ETF1: variants seen among roughly 807,000 people sequenced by gnomAD.
ETF1 encodes eukaryotic peptide chain release factor subunit 1.
In ETF1, 4 loss-of-function variants were observed where a neutral mutation model predicts 55.1. The ratio of observed to expected loss-of-function variants is 0.07; its 90% CI spans 0.04 to 0.17. The LOEUF (loss-of-function observed/expected upper bound fraction) is 0.17. Among genes scored for constraint, ETF1 ranks in the 10% least tolerant of loss-of-function variants. The probability of loss-of-function intolerance (pLI) is 1.00; values close to 1 mark genes in which losing one functional copy is unlikely to be tolerated. For synonymous variants in ETF1, 157 were observed against 182.3 expected, an observed-to-expected ratio of 0.86 and a Z score of 1.12; for missense variants, 142 against 523.6, an observed-to-expected ratio of 0.27 and a Z score of 7.11.
chr5:138,517,878 C>G, intron 3 of ETF1, 178 bp from the exon 4 acceptor site: 1 of 985,248 alleles, frequency 1.0e-6, no homozygotes, highest in South Asian at 4.7e-5. Context: ...AAAACTTCTT[C>G]TGAGACGTTT....
At chr5:138,522,484 C>A (rs1195003883) in intron 2 of ETF1, among the ~76,000 whole-genome samples, 1 of 151,890 alleles carries the variant, frequency 6.6e-6, no homozygotes, top group Admixed American at 6.6e-5. Context: ...TATGACCCAA[C>A]CACTCTACTC....
In ETF1 at chr5:138,506,142, A is replaced by C. The variant is rs752097586; in HGVS notation, c.*2163T>G. ...CTCTTCTCCATTTCTGTACATCACAACACCAAGATTTTGCTGCTTAGTATC... is the reference window on the plus strand; with the variant it reads ...CTCTTCTCCATTTCTGTACATCACACCACCAAGATTTTGCTGCTTAGTATC... On this transcript the variant is annotated 3_prime_UTR_variant, in exon 11 of 11. Coordinates refer to ENST00000360541, the MANE Select transcript of ETF1 (RefSeq NM_004730.4). 4 of 152,618 alleles carry C rather than the reference A, an allele frequency of 2.6e-5. No homozygotes were observed. Among genetic ancestry groups the C allele is most frequent in the South Asian group, 4.1e-4 (2 of 4,826 alleles). 9.5% of individuals were successfully genotyped at this position (152,618 alleles called of 1,614,324 possible). A position where few individuals can be genotyped will look rare whatever the true frequency, so the allele number is the denominator to read the frequency against.
At chr5:138,534,816 G>C (rs1246926368) in intron 2 of ETF1, among the ~76,000 whole-genome samples, 2 of 152,082 alleles carry the variant, frequency 1.3e-5, no homozygotes, top group African/African-American at 2.4e-5. Context: ...CTTACTAAAG[G>C]CTGTGATATT....
Position 138,513,615 on chromosome 5 carries a change from G to A in ETF1, c.494C>T (p.Thr165Ile). 1 of 1,610,976 alleles carries A rather than the reference G, an allele frequency of 6.2e-7. No individual in the cohort carries two copies. Among genetic ancestry groups the A allele is most frequent in the Non-Finnish European group, 8.5e-7 (1 of 1,177,412 alleles). ...GALFGTLQGN[T>I]REVLHKFTVD... ...AGTGAATTTGTGCAGGACTTCTCTT[G>A]TGTTTCCTTGGAGTGTGCCAAAAAG... The change falls in exon 5 of 11, where the codon ACA (threonine) becomes ATA (isoleucine). Residue 165 changes from threonine to isoleucine, a missense_variant. Transcript: ENST00000360541.
intron 4 of ETF1, 182 bp from the exon 5 acceptor site, chr5:138,513,888 T>C: frequency 1.2e-6 from 1 of 809,154 alleles, no homozygotes; most frequent in Non-Finnish European, 1.5e-6. Context: ...ATGGACAAAT[T>C]TGAACCCAAT....
At position 138,541,757 on chromosome 5, in the gene ETF1, C is replaced by CT. The variant is rs879131322; in HGVS notation, c.86+1075dup. ...CAAGTATGTAATAATGTTCCAAACA[C>CT]TTTTTTTTGGGGGGGGGGGCACTTC... On this transcript the variant is annotated intron_variant, in intron 2 of 10. Transcript: ENST00000360541. 2.3e-4 allele frequency: 114 copies of CT among 504,144 alleles called. 1 individual carries two copies. In the South Asian group the frequency reaches 3.9e-3, roughly 17 times the overall value. The allele number at this position is 504,144 out of a possible 1,614,324, so 31.2% of individuals were successfully genotyped here.
chr5:138,517,014 C>A (rs1464323376), intron 4 of ETF1, among the ~76,000 whole-genome samples: 1 of 152,020 alleles, frequency 6.6e-6, no homozygotes, highest in Non-Finnish European at 1.5e-5. Flanking sequence ...CCACATGGAA[C>A]CTTAAAAGTA....
chr5:138,534,428 C>G (rs531258110), intron 2 of ETF1, among the ~76,000 whole-genome samples: 1 of 152,348 alleles, frequency 6.6e-6, no homozygotes, highest in South Asian at 2.1e-4. Flanking sequence ...ACTGCAATCA[C>G]AACCAGTGTT....
chr5:138,526,195 C>A (rs914529676), intron 2 of ETF1, among the ~76,000 whole-genome samples: 3 of 152,062 alleles, frequency 2.0e-5, no homozygotes, highest in African/African-American at 7.2e-5. Context: ...ATCCAGAGTC[C>A]AGTGGAAGCT....
rs557548037 is a variant in ETF1, at chr5:138,522,997, C to T, written c.87-4130G>A. 7.4e-4 allele frequency among the ~76,000 whole-genome samples: 107 copies of T among 145,260 alleles called. 1 individual carries two copies. Among genetic ancestry groups the T allele is most frequent in the African/African-American group, 2.5e-3 (103 of 40,696 alleles). ...GTCTGGTTGGGGCGAAAGAGCAAGA[C>T]TCCATCTCAAAACAAACAAACAAAC... On this transcript the variant is annotated intron_variant, in intron 2 of 10. Coordinates refer to ENST00000360541, the MANE Select transcript of ETF1 (RefSeq NM_004730.4).
Position 138,531,288 on chromosome 5 carries a change from C to A in ETF1, c.86+11545G>T, listed in dbSNP as rs1448412120. 9.9e-5 allele frequency among the ~76,000 whole-genome samples: 15 copies of A among 152,282 alleles called. No individual in the cohort carries two copies. The South Asian group carries it at 2.1e-3, about 21-fold the overall frequency. On this transcript the variant is annotated intron_variant, in intron 2 of 10. Transcript: ENST00000360541. ...TTTTGTTCTCTTGCCATGAGAGGAACAGTGTTCCTCCCCAACAAAGGATGC... is the reference window on the plus strand; with the variant it reads ...TTTTGTTCTCTTGCCATGAGAGGAAAAGTGTTCCTCCCCAACAAAGGATGC...
At chr5:138,519,516 C>T (rs954350755) in intron 2 of ETF1, among the ~76,000 whole-genome samples, 9 of 151,372 alleles carry the variant, frequency 5.9e-5, no homozygotes, top group Non-Finnish European at 8.8e-5. Context: ...AAAAAAAATT[C>T]GCTGGGCATG....
intron 5 of ETF1, 65 bp downstream of exon 5, chr5:138,513,503 C>T: frequency 7.3e-7 from 1 of 1,379,240 alleles, no homozygotes; most frequent in Non-Finnish European, 1.0e-6. Context: ...CGCACCCGGC[C>T]CACCATACTG....
chr5:138,509,138 C>T (rs185671710), intron 9 of ETF1: 338 of 985,296 alleles, frequency 3.4e-4, no homozygotes, highest in Middle Eastern at 1.0e-3. Flanking sequence ...TAAGCAGCAC[C>T]CATTCAATGG....
At chr5:138,513,801 C>T in intron 4 of ETF1, 95 bp from the exon 5 acceptor site, 2 of 1,381,878 alleles carry the variant, frequency 1.4e-6, no homozygotes, top group East Asian at 2.5e-5. Context: ...TTTCACTCCA[C>T]TCACCATGCT....
intron 2 of ETF1, among the ~76,000 whole-genome samples, chr5:138,522,659 C>T (rs1197664289): frequency 6.6e-6 from 1 of 151,856 alleles, no homozygotes; most frequent in Non-Finnish European, 1.5e-5. Flanking sequence ...AAATGTGGTA[C>T]ATTCATATGC....
At chr5:138,524,389 C>A (rs909071757) in intron 2 of ETF1, among the ~76,000 whole-genome samples, 1 of 151,436 alleles carries the variant, frequency 6.6e-6, no homozygotes, top group South Asian at 2.1e-4. Context: ...ATAGTGAGAC[C>A]TGTCTCTACA....
rs559648147 is a variant in ETF1, at chr5:138,532,043, C to G, written c.86+10790G>C. Among the ~76,000 whole-genome samples the G allele has an allele frequency of 1.2e-4, 16 of 131,006 alleles. No individual in the cohort carries two copies. The South Asian group carries it at 3.3e-3, about 27-fold the overall frequency. The allele number at this position is 131,006 out of a possible 152,430, so 85.9% of individuals were successfully genotyped here. On this transcript the variant is annotated intron_variant, in intron 2 of 10. Coordinates refer to ENST00000360541, the MANE Select transcript of ETF1 (RefSeq NM_004730.4). ...CTTGGGCGACAGAGCGAGACTCCGC[C>G]TCAAAAAAATAAAATAAAATAAATA...
intron 2 of ETF1, among the ~76,000 whole-genome samples, chr5:138,525,824 T>C: frequency 6.6e-6 from 1 of 151,520 alleles, no homozygotes; most frequent in East Asian, 2.0e-4. Flanking sequence ...CACACGCCTA[T>C]AATCCCAGCT....
Sources: allele counts gnomAD v4.1 joint callset (sites outside exome capture counted in the v4.1 genomes callset), GRCh38; gene constraint gnomAD v4.1.1; transcripts MANE v1.5; gene names NCBI Gene and HGNC (gene_info 2026-07-23, HGNC 2026-07-21).